The following SMC5 variants were observed in gnomAD, a reference collection of about 807,000 sequenced individuals.
SMC5 encodes structural maintenance of chromosomes protein 5.
SMC5 carries 88 observed loss-of-function variants against 148.3 expected under a neutral mutation model. That is an observed-to-expected ratio of 0.59 (90% CI 0.50 to 0.71). The LOEUF is 0.71. Among genes scored for constraint, SMC5 ranks in the 30% least tolerant of loss-of-function variants. The pLI, the probability that SMC5 is intolerant of heterozygous loss-of-function variation, is 0.00. For missense variants in SMC5, 1,142 were observed against 1,298.9 expected (o/e 0.88, Z 1.86); for synonymous variants, 421 against 432.8 (o/e 0.97, Z 0.34).
chr9:70,345,542 G>A (rs2036645170), intron 18 of SMC5, among the ~76,000 whole-genome samples: 1 of 152,006 alleles, frequency 6.6e-6, no homozygotes, highest in African/African-American at 2.4e-5. Flanking sequence ...AAGATGTCAG[G>A]CAAAAGTATT....
At chr9:70,350,058 T>C (rs1156448379) in intron 22 of SMC5, 56 bp from the exon 23 acceptor site, 2 of 1,281,690 alleles carry the variant, frequency 1.6e-6, no homozygotes, top group Non-Finnish European at 2.1e-6. Context: ...TTTCAAATAA[T>C]AGAATGACAT....
intron 3 of SMC5, among the ~76,000 whole-genome samples, chr9:70,269,248 G>A (rs1457083530): frequency 6.6e-6 from 1 of 152,060 alleles, no homozygotes; most frequent in Non-Finnish European, 1.5e-5. Context: ...AAGAAATGGA[G>A]GTGCGTGATA....
At chr9:70,260,091 C>G (rs1022341741) in intron 1 of SMC5, among the ~76,000 whole-genome samples, 1 of 151,494 alleles carries the variant, frequency 6.6e-6, no homozygotes, top group Non-Finnish European at 1.5e-5. Context: ...ACTACAGGCG[C>G]GCGCCACCAC....
intron 10 of SMC5, 40 bp downstream of exon 10, chr9:70,300,240 A>G: frequency 1.3e-6 from 2 of 1,546,792 alleles, no homozygotes; most frequent in Non-Finnish European, 1.7e-6. Context: ...TGGTTTTATT[A>G]TTGTAATCAT....
intron 22 of SMC5, 118 bp downstream of exon 22, chr9:70,348,156 A>G (rs979245556): frequency 7.9e-5 from 80 of 1,010,794 alleles, no homozygotes; most frequent in Middle Eastern, 3.3e-4. Flanking sequence ...TTTGTTTACC[A>G]AAATGTTGAA....
chr9:70,346,931 T>G (rs1422648895), intron 19 of SMC5, 135 bp from the exon 20 acceptor site: 1 of 731,966 alleles, frequency 1.4e-6, no homozygotes, highest in Non-Finnish European at 2.3e-6. Context: ...ACCCTGTTTA[T>G]TATTCCTTTG....
intron 8 of SMC5, among the ~76,000 whole-genome samples, chr9:70,291,635 T>C (rs550024508): frequency 4.6e-5 from 7 of 152,330 alleles, no homozygotes; most frequent in Non-Finnish European, 1.0e-4. Flanking sequence ...TGTTATCTGC[T>C]TCAGGCAGTT....
At chr9:70,290,427 A>G (rs2035027032) in intron 8 of SMC5, among the ~76,000 whole-genome samples, 1 of 152,192 alleles carries the variant, frequency 6.6e-6, no homozygotes, top group African/African-American at 2.4e-5. Context: ...GAAAATTCCA[A>G]GGGTTTTAAG....
In SMC5 at chr9:70,318,517, A is replaced by T; in HGVS notation, c.1810A>T (p.Ile604Leu). The change falls in exon 14 of 25, where the codon ATA (isoleucine) becomes TTA (leucine). Residue 604 changes from isoleucine to leucine, a missense_variant. This residue lies in a region of SMC5 where 743 missense variants were observed against 835.7 expected (regional missense o/e 0.89). Coordinates refer to ENST00000361138, the MANE Select transcript of SMC5 (RefSeq NM_015110.4). ...TAATAGTTGTTTTACGTTATAGGTA[A>T]TACAAGAAACCCGATTAAAACAGAT... is the stretch of plus-strand genomic sequence containing the variant. Reference protein sequence around the residue: ...EKTRERIERVIQETRLKQIYT... With the variant: ...EKTRERIERVLQETRLKQIYT... 5.0e-6 allele frequency: 8 copies of T among 1,594,292 alleles called. No homozygotes were observed. The highest frequency in any genetic ancestry group is 6.8e-6 in the Non-Finnish European group (8 of 1,171,284).
Position 70,317,789 on chromosome 9 carries a change from TTAAAAA to T in SMC5, c.1807-721_1807-716del, listed in dbSNP as rs376472068. Among the ~76,000 whole-genome samples, 76 of 152,290 alleles carry T rather than the reference TTAAAAA, an allele frequency of 5.0e-4. 1 individual carries two copies. Among genetic ancestry groups the T allele is most frequent in the African/African-American group, 1.5e-3 (62 of 41,564 alleles). ...CTTCAGAGAAAAGTTCTAAAAAACT[TTAAAAA>T]TAAGAAAAGGCTTTGAAATCTATGA... On this transcript the variant is annotated intron_variant, in intron 13 of 24. Coordinates refer to ENST00000361138, the MANE Select transcript of SMC5 (RefSeq NM_015110.4).
intron 3 of SMC5, among the ~76,000 whole-genome samples, chr9:70,276,130 T>C (rs1291186403): frequency 1.3e-5 from 2 of 152,230 alleles, no homozygotes; most frequent in African/African-American, 4.8e-5. Context: ...AGAATCACAA[T>C]GTACAGAATT....
chr9:70,278,777 G>T, intron 5 of SMC5, 152 bp downstream of exon 5: 1 of 666,698 alleles, frequency 1.5e-6, no homozygotes, highest in Non-Finnish European at 2.3e-6. Flanking sequence ...CAGTTAAAGT[G>T]ACAGAGTGAG....
intron 17 of SMC5, among the ~76,000 whole-genome samples, chr9:70,343,699 T>C (rs1204515810): frequency 6.6e-6 from 1 of 151,924 alleles, no homozygotes; most frequent in Non-Finnish European, 1.5e-5. Flanking sequence ...ATCTGTAATC[T>C]CAGCTACTCG....
chr9:70,306,954 T>C (rs2035517331), intron 11 of SMC5, among the ~76,000 whole-genome samples: 1 of 152,270 alleles, frequency 6.6e-6, no homozygotes, highest in Non-Finnish European at 1.5e-5. Context: ...TTTTGCCATT[T>C]CTACATACTA....
At chr9:70,317,993 T>C (rs1276873592) in intron 13 of SMC5, among the ~76,000 whole-genome samples, 1 of 152,158 alleles carries the variant, frequency 6.6e-6, no homozygotes, top group East Asian at 1.9e-4. Flanking sequence ...GTAACAAAGC[T>C]CCAAAACTAC....
intron 3 of SMC5, among the ~76,000 whole-genome samples, chr9:70,273,716 G>A (rs1265115584): frequency 6.6e-6 from 1 of 152,078 alleles, no homozygotes; most frequent in African/African-American, 2.4e-5. Flanking sequence ...TGTTTCTAAT[G>A]TAGTGATTTT....
intron 20 of SMC5, 122 bp downstream of exon 20, chr9:70,347,283 G>A: frequency 1.5e-6 from 1 of 664,288 alleles, no homozygotes; most frequent in Non-Finnish European, 2.5e-6. Flanking sequence ...AGAGCTCTTG[G>A]TAATAATAAG....
chr9:70,339,422 C>T (rs1345245640), intron 17 of SMC5, among the ~76,000 whole-genome samples: 3 of 150,274 alleles, frequency 2.0e-5, no homozygotes, highest in East Asian at 3.9e-4. Flanking sequence ...GAGCGAGACT[C>T]CGTCTCAAAA....
In SMC5 at chr9:70,309,764, C is replaced by T. The variant is rs1484143834; in HGVS notation, c.1578+4404C>T. On this transcript the variant is annotated intron_variant, in intron 11 of 24. Transcript: ENST00000361138. ...AACCTCTCAAAGTCTTCCCTGAAGG[C>T]TGGAATTCTTTCAAACTTCTGTTAA... Among the ~76,000 whole-genome samples the T allele has an allele frequency of 3.9e-5, 6 of 152,280 alleles. No individual in the cohort carries two copies. The East Asian group carries it at 1.2e-3, about 29-fold the overall frequency.
Sources: allele counts gnomAD v4.1 joint callset (sites outside exome capture counted in the v4.1 genomes callset), GRCh38; gene constraint gnomAD v4.1.1; regional missense constraint gnomAD v4.1.1; transcripts MANE v1.5; gene names NCBI Gene and HGNC (gene_info 2026-07-23, HGNC 2026-07-21).